Variants in MYT1L observed in about 807,000 individuals in gnomAD.
MYT1L encodes the protein myelin transcription factor 1 like, also known as myelin transcription factor 1-like protein.
MYT1L carries 12 observed loss-of-function variants against 126.7 expected under a neutral mutation model. The observed-to-expected ratio is 0.09, with a 90% CI of 0.06 to 0.15. The LOEUF (loss-of-function observed/expected upper bound fraction) is 0.15. Among genes scored for constraint, MYT1L ranks in the 10% least tolerant of loss-of-function variants. The pLI is 1.00. For synonymous variants in MYT1L, 541 were observed against 604.2 expected, an observed-to-expected ratio of 0.90 and a Z score of 1.53; for missense variants, 979 against 1,585.2, an observed-to-expected ratio of 0.62 and a Z score of 6.49.
At chr2:1,915,635 G>A (rs1190802971) in intron 11 of MYT1L, among the ~76,000 whole-genome samples, 1 of 152,218 alleles carries the variant, frequency 6.6e-6, no homozygotes, top group Non-Finnish European at 1.5e-5. Context: ...AGTACAGAGA[G>A]CTGCAAGGTG....
At chr2:2,038,483 G>A (rs1574733012) in intron 4 of MYT1L, among the ~76,000 whole-genome samples, 1 of 152,038 alleles carries the variant, frequency 6.6e-6, no homozygotes, top group African/African-American at 2.4e-5. Context: ...GTTGGCCAGC[G>A]CTGCCTCCCT....
At chr2:1,903,430 T>G in intron 13 of MYT1L, 136 bp from the exon 14 acceptor site, 1 of 696,224 alleles carries the variant, frequency 1.4e-6, no homozygotes, top group Non-Finnish European at 2.4e-6. Flanking sequence ...AACTACAACT[T>G]TTTTATTTTC....
At chr2:2,203,060 C>A (rs542410228) in intron 2 of MYT1L, among the ~76,000 whole-genome samples, 368 of 149,640 alleles carry the variant, frequency 2.5e-3, no homozygotes, top group Middle Eastern at 6.8e-3. Context: ...AGGCCTTTGA[C>A]AAAATTCAAC....
chr2:1,956,563 TATA>T (rs1178328854), intron 8 of MYT1L, among the ~76,000 whole-genome samples: 7 of 147,966 alleles, frequency 4.7e-5, no homozygotes, highest in African/African-American at 1.8e-4. Flanking sequence ...TATCCTATTC[TATA>T]TTTCCTATTC....
chr2:2,212,744 T>C (rs79330719), intron 2 of MYT1L, among the ~76,000 whole-genome samples: 1 of 152,212 alleles, frequency 6.6e-6, no homozygotes, highest in African/African-American at 2.4e-5. Flanking sequence ...GTTGTAGTCA[T>C]TGTCATGCAC....
intron 3 of MYT1L, among the ~76,000 whole-genome samples, chr2:2,171,602 T>A (rs922166798): frequency 6.6e-6 from 1 of 151,912 alleles, no homozygotes; most frequent in East Asian, 1.9e-4. Context: ...TAGCTTCTTT[T>A]GTTTTTTTCT....
intron 5 of MYT1L, among the ~76,000 whole-genome samples, chr2:1,989,401 G>A (rs1157882583): frequency 6.6e-6 from 1 of 152,044 alleles, no homozygotes; most frequent in Non-Finnish European, 1.5e-5. Context: ...GCTGCAGCCC[G>A]GCAATCCCAG....
intron 21 of MYT1L, among the ~76,000 whole-genome samples, chr2:1,834,763 T>A (rs755049090): frequency 3.3e-5 from 5 of 151,918 alleles, no homozygotes; most frequent in Admixed American, 6.5e-5. Flanking sequence ...ACAGTGTGAA[T>A]ACAGGTACTC....
intron 3 of MYT1L, among the ~76,000 whole-genome samples, chr2:2,164,072 G>A (rs917102177): frequency 6.6e-6 from 1 of 151,992 alleles, no homozygotes; most frequent in African/African-American, 2.4e-5. Context: ...ATTTCTTATG[G>A]ATATTAAACA....
intron 5 of MYT1L, among the ~76,000 whole-genome samples, chr2:1,989,665 A>G (rs2061326081): frequency 6.6e-6 from 1 of 152,202 alleles, no homozygotes; most frequent in South Asian, 2.1e-4. Context: ...ATAGGGGGAA[A>G]CATCATAAAT....
At chr2:2,153,950 C>T (rs1197998834) in intron 3 of MYT1L, among the ~76,000 whole-genome samples, 1 of 152,028 alleles carries the variant, frequency 6.6e-6, no homozygotes, top group Non-Finnish European at 1.5e-5. Flanking sequence ...GGACTAGTGC[C>T]GGAGAGGGAC....
At chr2:2,172,584 G>C (rs2090202461) in intron 3 of MYT1L, among the ~76,000 whole-genome samples, 1 of 152,270 alleles carries the variant, frequency 6.6e-6, no homozygotes, top group Admixed American at 6.5e-5. Context: ...ACCAGAGGAG[G>C]GGCTGCCTGC....
At chr2:2,295,729 GAGACAGAC>G (rs764675290) in intron 1 of MYT1L, among the ~76,000 whole-genome samples, 2 of 135,598 alleles carry the variant, frequency 1.5e-5, no homozygotes, top group African/African-American at 5.3e-5. Context: ...GAGAGATAGA[GAGACAGAC>G]AGACAGAGAG....
chr2:1,985,062 G>C (rs538773812), intron 5 of MYT1L, among the ~76,000 whole-genome samples: 115 of 152,282 alleles, frequency 7.6e-4, no homozygotes, highest in African/African-American at 2.5e-3. Context: ...TGGACTGCAG[G>C]CTGGGTTACG....
At chr2:2,019,973 T>G (rs1288367127) in intron 4 of MYT1L, among the ~76,000 whole-genome samples, 2 of 152,002 alleles carry the variant, frequency 1.3e-5, no homozygotes, top group Non-Finnish European at 2.9e-5. Context: ...GCCTCCCGAG[T>G]AGGTGAAACT....
At chr2:2,140,667 C>T (rs542137165) in intron 3 of MYT1L, among the ~76,000 whole-genome samples, 60 of 152,128 alleles carry the variant, frequency 3.9e-4, no homozygotes, top group African/African-American at 1.3e-3. Flanking sequence ...ATCTCCTGAC[C>T]TCATGATCCG....
chr2:2,306,769 C>T (rs1293563534), intron 1 of MYT1L, among the ~76,000 whole-genome samples: 1 of 152,118 alleles, frequency 6.6e-6, no homozygotes, highest in African/African-American at 2.4e-5. Context: ...CTCTTCACAC[C>T]AACAGAGATT....
intron 8 of MYT1L, among the ~76,000 whole-genome samples, chr2:1,975,452 G>A (rs2060097177): frequency 6.6e-6 from 1 of 152,236 alleles, no homozygotes; most frequent in Non-Finnish European, 1.5e-5. Flanking sequence ...TGGCAGGCTG[G>A]GCATGATGGC....
intron 2 of MYT1L, among the ~76,000 whole-genome samples, chr2:2,262,346 A>C (rs180882282): frequency 4.0e-4 from 61 of 152,266 alleles, no homozygotes; most frequent in African/African-American, 1.4e-3. Context: ...CCTGGGTGAC[A>C]GAGAAAGACT....
Sources: gnomAD v4.1 joint callset for allele counts (sites outside exome capture counted in the v4.1 genomes callset) on GRCh38, gnomAD v4.1.1 for gene constraint, MANE v1.5 for transcripts, NCBI Gene and HGNC (gene_info 2026-07-23, HGNC 2026-07-21) for gene names.